ITGB4: variants seen among roughly 807,000 people sequenced by gnomAD.
ITGB4 encodes integrin subunit beta 4, also known as integrin beta-4.
In ITGB4, 159 loss-of-function variants were observed where a neutral mutation model predicts 207.6. That is an observed-to-expected ratio of 0.77 (90% CI 0.67 to 0.87). The LOEUF is 0.87. Among genes scored for constraint, ITGB4 ranks in the 40% least tolerant of loss-of-function variants. The probability of loss-of-function intolerance (pLI) is 0.00; values close to 1 mark genes in which losing one functional copy is unlikely to be tolerated. For missense variants in ITGB4, 2,278 were observed against 2,546.8 expected (o/e 0.89, Z 2.27); for synonymous variants, 1,020 against 1,062.7 (o/e 0.96, Z 0.78).
intron 7 of ITGB4, 52 bp from the exon 8 acceptor site, chr17:75,730,189 C>A: frequency 1.9e-6 from 3 of 1,608,662 alleles, no homozygotes; most frequent in South Asian, 1.1e-5. Context: ...CGCCGTGATG[C>A]GTGTCAGCAG....
Position 75,750,025 on chromosome 17 carries a change from G to C in ITGB4, c.3317-86G>C. ...CTGAGTTGAATGCGCTGGGTAGAGC[G>C]CCCTGGGTGTTGAAGTGGGTCTCTG... On this transcript the variant is annotated intron_variant, in intron 27 of 39. Coordinates refer to ENST00000200181, the MANE Select transcript of ITGB4 (RefSeq NM_000213.5). This position sits in a 1 kb window ranked among gnomAD's most constrained non-coding sequence, Gnocchi z 5.5. 1 of 1,546,442 alleles carries C rather than the reference G, an allele frequency of 6.5e-7. No individual in the cohort carries two copies. The highest frequency in any genetic ancestry group is 8.9e-7 in the Non-Finnish European group (1 of 1,119,706).
At position 75,752,149 on chromosome 17, in the gene ITGB4, C is replaced by T. The variant is rs772378163; in HGVS notation, c.3794-25C>T. On this transcript the variant is annotated intron_variant, in intron 30 of 39. Transcript: ENST00000200181. ...GGACCAGGCTGGGACCTGGGTGACC[C>T]TCTGAAGCACTCTCTCTGCCCCAGG... 4 of 1,613,170 alleles carry T rather than the reference C, an allele frequency of 2.5e-6. No homozygotes were observed. The South Asian group carries it at 3.3e-5, about 13-fold the overall frequency.
chr17:75,731,339 G>C lies in ITGB4; in HGVS notation c.1186G>C (p.Gly396Arg). 6.2e-7 allele frequency: 1 copy of C among 1,613,274 alleles called. No homozygotes were observed. Among genetic ancestry groups the C allele is most frequent in the Non-Finnish European group, 8.5e-7 (1 of 1,179,930 alleles). ...TSKMFQKTRT[G>R]SFHIRRGEVG... ...CAAGATGTTCCAGAAGACGAGGACT[G>C]GGTCCTTTCACATCCGGCGGGGGGA... Residue 396 changes from glycine (G) to arginine (R), a missense_variant, in exon 10 of 40, where the codon GGG (glycine) becomes CGG (arginine). Coordinates refer to ENST00000200181, the MANE Select transcript of ITGB4 (RefSeq NM_000213.5). The surrounding 1 kb of genome is among the most constrained non-coding windows in gnomAD (Gnocchi z 6.8).
chr17:75,744,614 T>C (rs2061194219), intron 26 of ITGB4, among the ~76,000 whole-genome samples: 2 of 152,146 alleles, frequency 1.3e-5, no homozygotes, highest in South Asian at 4.1e-4. Flanking sequence ...CCCCAAGGGC[T>C]GTCACAATTT....
chr17:75,746,155 A>C (rs1410306568), intron 26 of ITGB4: 1 of 152,242 alleles, frequency 6.6e-6, no homozygotes, highest in African/African-American at 2.4e-5. Flanking sequence ...AGCTCTCTGC[A>C]ATCTTGAACT....
Position 75,742,191 on chromosome 17 carries a change from T to G in ITGB4, c.2634-150T>G, listed in dbSNP as rs777730765. On this transcript the variant is annotated intron_variant, in intron 23 of 39. Transcript: ENST00000200181. This position sits in a 1 kb window ranked among gnomAD's most constrained non-coding sequence, Gnocchi z 5.9. ...CAGGGTAAAGGGTATGGGGCTGGCA[T>G]AGGCCTGGAGCACTGCCTGCCTCTG... 2.0e-6 allele frequency: 2 copies of G among 997,148 alleles called. No homozygotes were observed. Among genetic ancestry groups the G allele is most frequent in the East Asian group, 2.6e-5 (1 of 38,422 alleles). 61.8% of individuals were successfully genotyped at this position (997,148 alleles called of 1,614,324 possible).
At position 75,748,975 on chromosome 17, in the gene ITGB4, G is replaced by C; in HGVS notation, c.3246G>C (p.Gln1082His). 1 of 1,613,422 alleles carries C rather than the reference G, an allele frequency of 6.2e-7. No homozygotes were observed. The highest frequency in any genetic ancestry group is 8.5e-7 in the Non-Finnish European group (1 of 1,180,012). The change falls in exon 27 of 40, where the codon CAG becomes CAC. Residue 1082 changes from glutamine to histidine, a missense_variant. Physicochemically the swap from Gln to His is conservative, Grantham distance 24. Transcript: ENST00000200181. ...GCCAGGTCCGCCGTTTCCACGTCCA[G>C]CTCAGCAACCCTAAGTTTGGGGCCC... is the stretch of plus-strand genomic sequence containing the variant. ...RGRQVRRFHV[Q>H]LSNPKFGAHL... is the part of the protein sequence containing the mutation.
At chr17:75,723,969 A>C (rs778406805) in intron 1 of ITGB4, among the ~76,000 whole-genome samples, 10 of 152,250 alleles carry the variant, frequency 6.6e-5, no homozygotes, top group Non-Finnish European at 1.3e-4. Context: ...CTGAACCCAC[A>C]GCCGCTGGGG....
At chr17:75,728,320 G>A (rs372402129) in intron 5 of ITGB4, 57 bp from the exon 6 acceptor site, 21 of 1,484,356 alleles carry the variant, frequency 1.4e-5, no homozygotes, top group South Asian at 1.0e-4. Flanking sequence ...TGGGGGGCCC[G>A]TGTTTATGCC....
rs886053412 is a variant in ITGB4, at chr17:75,742,685, G to A, written c.2886G>A (p.Val962=). The A allele has an allele frequency of 1.2e-6, 2 of 1,613,914 alleles. No homozygotes were observed. Among genetic ancestry groups the A allele is most frequent in the South Asian group, 1.1e-5 (1 of 91,090 alleles). ...ATGACGACGAGAAGCAGCTGCTGGTGGAGGCCATCGACGTGCCCGCAGGCA... is the reference window on the plus strand; with the variant it reads ...ATGACGACGAGAAGCAGCTGCTGGTAGAGGCCATCGACGTGCCCGCAGGCA... The part of the protein sequence containing the change: ...PEDDDEKQLL[V]EAIDVPAGTA... The change falls in exon 25 of 40, where the codon GTG becomes GTA. Residue 962 remains valine (V), a synonymous_variant. Transcript: ENST00000200181. This position sits in a 1 kb window ranked among gnomAD's most constrained non-coding sequence, Gnocchi z 5.9.
chr17:75,735,085 T>C (rs1253696956), intron 13 of ITGB4, among the ~76,000 whole-genome samples: 1 of 152,182 alleles, frequency 6.6e-6, no homozygotes, highest in Non-Finnish European at 1.5e-5. Context: ...ATTTTATTGA[T>C]TGATTGATTG....
At position 75,737,579 on chromosome 17, in the gene ITGB4, C is replaced by T; in HGVS notation, c.2155C>T (p.Leu719Phe). Residue 719 changes from leucine (L) to phenylalanine (F), a missense_variant, in exon 18 of 40, where the codon CTC (leucine) becomes TTC (phenylalanine). Leu to Phe is a conservative substitution (Grantham distance 22). Coordinates refer to ENST00000200181, the MANE Select transcript of ITGB4 (RefSeq NM_000213.5). ...GSFWWLIPLL[L>F]LLLPLLALLL... ...CTTCTGGTGGCTCATCCCCCTGCTC[C>T]TCCTCCTCCTGCCGCTCCTGGCCCT... is the stretch of plus-strand genomic sequence containing the variant. 1 of 1,606,040 alleles carries T rather than the reference C, an allele frequency of 6.2e-7. No individual in the cohort carries two copies. The highest frequency in any genetic ancestry group is 8.5e-7 in the Non-Finnish European group (1 of 1,176,352).
At position 75,750,368 on chromosome 17, in the gene ITGB4, G is replaced by C. The variant is rs1276856425; in HGVS notation, c.3474+100G>C. On this transcript the variant is annotated intron_variant, in intron 28 of 39. Coordinates refer to ENST00000200181, the MANE Select transcript of ITGB4 (RefSeq NM_000213.5). The surrounding 1 kb of genome is among the most constrained non-coding windows in gnomAD (Gnocchi z 5.5). The stretch of plus-strand genomic sequence containing the variant: ...TCCAAGGCCAGGGCCCCCTGAGAGA[G>C]AGCAGACAGTGGAACCTAGCACAGG... 7.9e-7 allele frequency: 1 copy of C among 1,267,928 alleles called. No individual in the cohort carries two copies. Among genetic ancestry groups the C allele is most frequent in the African/African-American group, 1.5e-5 (1 of 67,468 alleles). The allele number at this position is 1,267,928 out of a possible 1,614,324, so 78.5% of individuals were successfully genotyped here.
rs200368215 is a variant in ITGB4, at chr17:75,755,684, C to A, written c.4559-17C>A. On this transcript the variant is annotated splice_polypyrimidine_tract_variant and intron_variant, in intron 34 of 39. Transcript: ENST00000200181. Reference sequence around the variant, plus strand: ...TAGCCCCTGCATCTCTGGCTGACTGCGGCCTCCTGTCCCCAGACTCTCGCC... The same window carrying A: ...TAGCCCCTGCATCTCTGGCTGACTGAGGCCTCCTGTCCCCAGACTCTCGCC... The A allele has an allele frequency of 2.5e-6, 4 of 1,612,324 alleles. No homozygotes were observed. Among genetic ancestry groups the A allele is most frequent in the Non-Finnish European group, 3.4e-6 (4 of 1,179,906 alleles).
chr17:75,740,169 T>C lies in ITGB4; in HGVS notation c.2446+98T>C. The C allele has an allele frequency of 7.3e-7, 1 of 1,377,762 alleles. No individual in the cohort carries two copies. Among genetic ancestry groups the C allele is most frequent in the East Asian group, 2.5e-5 (1 of 40,764 alleles). 85.3% of individuals were successfully genotyped at this position (1,377,762 alleles called of 1,614,324 possible). On this transcript the variant is annotated intron_variant, in intron 20 of 39. Coordinates refer to ENST00000200181, the MANE Select transcript of ITGB4 (RefSeq NM_000213.5). This position sits in a 1 kb window ranked among gnomAD's most constrained non-coding sequence, Gnocchi z 5.9. ...GCATGCCTCTTCTCTGGGTGTGGGGTGCAGGCACAGGGCTCAGCCACCTTT... is the reference window on the plus strand; with the variant it reads ...GCATGCCTCTTCTCTGGGTGTGGGGCGCAGGCACAGGGCTCAGCCACCTTT...
rs777605901 is a variant in ITGB4, at chr17:75,736,654, A to G, written c.1950A>G (p.Glu650=). 1.5e-5 allele frequency: 24 copies of G among 1,599,296 alleles called. No homozygotes were observed. The African/African-American group carries it at 2.4e-4, about 16-fold the overall frequency. Residue 650 remains glutamate (E), a synonymous_variant, in exon 16 of 40, where the codon GAA becomes GAG. Transcript: ENST00000200181. ...AGAAGAAGGGGCGCACGTGTGAGGA[A>G]TGCAACTTCAAGGTCAAGATGGTGG... The part of the protein sequence containing the change: ...TGEKKGRTCE[E]CNFKVKMVDE...
chr17:75,740,899 G>A lies in ITGB4; in HGVS notation c.2609+48G>A. ...TGGGTGGGGGAGCCGCTCCTACCGG[G>A]ACTCCAGGAGCCGAAGCCCCCAGGC... is the stretch of plus-strand genomic sequence containing the variant. On this transcript the variant is annotated intron_variant, in intron 22 of 39. Coordinates refer to ENST00000200181, the MANE Select transcript of ITGB4 (RefSeq NM_000213.5). This position sits in a 1 kb window ranked among gnomAD's most constrained non-coding sequence, Gnocchi z 5.9. The A allele has an allele frequency of 6.2e-7, 1 of 1,612,600 alleles. No individual in the cohort carries two copies. Among genetic ancestry groups the A allele is most frequent in the South Asian group, 1.1e-5 (1 of 91,038 alleles).
chr17:75,737,572 C>G lies in ITGB4; in HGVS notation c.2148C>G (p.Pro716=), dbSNP rs1011610738. ...CPPGSFWWLI[P]LLLLLLPLLA... Reference sequence around the variant, plus strand: ...CGGGCTCCTTCTGGTGGCTCATCCCCCTGCTCCTCCTCCTCCTGCCGCTCC... The same window carrying G: ...CGGGCTCCTTCTGGTGGCTCATCCCGCTGCTCCTCCTCCTCCTGCCGCTCC... Residue 716 remains proline, a synonymous_variant, in exon 18 of 40, where the codon CCC becomes CCG. Transcript: ENST00000200181. 1.9e-6 allele frequency: 3 copies of G among 1,601,340 alleles called. No individual in the cohort carries two copies. The highest frequency in any genetic ancestry group is 4.5e-5 in the East Asian group (2 of 44,154).
rs768219131 is a variant in ITGB4, at chr17:75,730,260, C to T, written c.758C>T (p.Pro253Leu). The T allele has an allele frequency of 1.4e-5, 23 of 1,612,822 alleles. No homozygotes were observed. Among genetic ancestry groups the T allele is most frequent in the South Asian group, 4.4e-5 (4 of 91,078 alleles). Residue 253 changes from proline (P) to leucine (L), a missense_variant, in exon 8 of 40, where the codon CCG becomes CTG. Coordinates refer to ENST00000200181, the MANE Select transcript of ITGB4 (RefSeq NM_000213.5). ...AVCTRDIGWR[P>L]DSTHLLVFST... Reference sequence around the variant, plus strand: ...CCCCAGAGGGACATTGGCTGGCGCCCGGACAGCACCCACCTGCTGGTCTTC... The same window carrying T: ...CCCCAGAGGGACATTGGCTGGCGCCTGGACAGCACCCACCTGCTGGTCTTC...
Sources: gnomAD v4.1 joint callset for allele counts (sites outside exome capture counted in the v4.1 genomes callset) on GRCh38, gnomAD v4.1.1 for gene constraint, Gnocchi (gnomAD v3.1) non-coding constraint, MANE v1.5 for transcripts, NCBI Gene and HGNC (gene_info 2026-07-23, HGNC 2026-07-21) for gene names.